Variants in RABGEF1 observed in about 807,000 individuals in gnomAD.
RABGEF1 encodes the protein RAB guanine nucleotide exchange factor 1.
A neutral mutation model predicts 57.3 loss-of-function variants in RABGEF1; 26 were observed. That is an observed-to-expected ratio of 0.45 (90% CI 0.33 to 0.63). RABGEF1 has a LOEUF of 0.63. Among genes scored for constraint, RABGEF1 ranks in the 20% least tolerant of loss-of-function variants. The probability of loss-of-function intolerance (pLI) is 0.02; values close to 1 mark genes in which losing one functional copy is unlikely to be tolerated. For missense variants in RABGEF1, 464 were observed against 607.6 expected, an observed-to-expected ratio of 0.76 and a Z score of 2.48; for synonymous variants, 185 against 210.7, an observed-to-expected ratio of 0.88 and a Z score of 1.06.
intron 2 of RABGEF1, among the ~76,000 whole-genome samples, chr7:66,714,040 A>G (rs1795079444): frequency 6.6e-6 from 1 of 152,230 alleles, no homozygotes; most frequent in South Asian, 2.1e-4. Flanking sequence ...TTTTTGTACT[A>G]CCATAGTCTA....
intron 2 of RABGEF1, among the ~76,000 whole-genome samples, chr7:66,729,446 C>T (rs932929039): frequency 2.0e-5 from 3 of 152,262 alleles, no homozygotes; most frequent in African/African-American, 7.2e-5. Context: ...ATTCTCCTCT[C>T]CAACCTCACT....
intron 2 of RABGEF1, among the ~76,000 whole-genome samples, chr7:66,725,332 C>T (rs1241743766): frequency 1.3e-5 from 2 of 152,172 alleles, no homozygotes; most frequent in Admixed American, 6.5e-5. Context: ...AAAGAAGCTT[C>T]ACTCCCCTTA....
chr7:66,788,322 G>A (rs1040575035), intron 4 of RABGEF1, among the ~76,000 whole-genome samples: 19 of 152,066 alleles, frequency 1.2e-4, no homozygotes, highest in African/African-American at 4.3e-4. Flanking sequence ...GCGCTCGCCT[G>A]TAGTCCCAGC....
chr7:66,746,473 T>A (rs2129055240), intron 1 of RABGEF1, among the ~76,000 whole-genome samples: 1 of 151,958 alleles, frequency 6.6e-6, no homozygotes, highest in East Asian at 1.9e-4. Flanking sequence ...GTATTTTTAG[T>A]AGAGACGGGG....
intron 8 of RABGEF1, among the ~76,000 whole-genome samples, chr7:66,808,219 T>C (rs75475535): frequency 7.0e-6 from 1 of 142,842 alleles, no homozygotes; most frequent in African/African-American, 2.5e-5. Flanking sequence ...GAGTTGTTCC[T>C]TTTTTTTTTT....
At chr7:66,671,403 C>T in the RABGEF1 span, among the ~76,000 whole-genome samples, 11 of 152,076 alleles carry the variant, frequency 7.2e-5, no homozygotes, top group Non-Finnish European at 1.5e-4. Flanking sequence ...TAAGTGTAAT[C>T]CCACATAGGG....
At chr7:66,718,708 C>T (rs1417474514) in intron 2 of RABGEF1, among the ~76,000 whole-genome samples, 1 of 152,210 alleles carries the variant, frequency 6.6e-6, no homozygotes, top group African/African-American at 2.4e-5. Context: ...CACGCAGTGG[C>T]CAGCCTGGAA....
chr7:66,756,150 C>G (rs2129071546), intron 1 of RABGEF1: 2 of 953,176 alleles, frequency 2.1e-6, no homozygotes. Flanking sequence ...GAAAAATGAG[C>G]AAAATCAGTT....
chr7:66,705,103 T>G (rs1456853047), intron 1 of RABGEF1, among the ~76,000 whole-genome samples: 1 of 151,598 alleles, frequency 6.6e-6, no homozygotes, highest in East Asian at 2.0e-4. Flanking sequence ...TGCTGATATA[T>G]GGAAAAGCAA....
At chr7:66,740,060 G>C (rs1048859011), upstream of RABGEF1, 1 of 152,174 alleles carries the variant, frequency 6.6e-6, no homozygotes, top group African/African-American at 2.4e-5. Flanking sequence ...TCAACTTCCT[G>C]GGCTATCAAG....
chr7:66,697,459 G>A (rs1490139916), intron 1 of RABGEF1, among the ~76,000 whole-genome samples: 1 of 152,168 alleles, frequency 6.6e-6, no homozygotes, highest in Non-Finnish European at 1.5e-5. Flanking sequence ...CCTTCACAGT[G>A]GCTCTGTCTG....
intron 1 of RABGEF1, among the ~76,000 whole-genome samples, chr7:66,751,289 C>G (rs1344491404): frequency 6.6e-6 from 1 of 152,182 alleles, no homozygotes; most frequent in Non-Finnish European, 1.5e-5. Flanking sequence ...CCTCGGCCTC[C>G]CAAAGTGTTG....
chr7:66,704,782 G>A (rs1295543866), intron 1 of RABGEF1, among the ~76,000 whole-genome samples: 3 of 151,210 alleles, frequency 2.0e-5, no homozygotes, highest in African/African-American at 7.3e-5. Flanking sequence ...CTGCACTCCA[G>A]CCTGGGTGAC....
At chr7:66,773,180 C>T (rs1807632837) in intron 2 of RABGEF1, among the ~76,000 whole-genome samples, 2 of 151,040 alleles carry the variant, frequency 1.3e-5, no homozygotes, top group South Asian at 2.1e-4. Flanking sequence ...ACATTGCTTT[C>T]AGTGACTGTG....
chr7:66,775,541 G>A, intron 3 of RABGEF1, 148 bp downstream of exon 3: 3 of 866,780 alleles, frequency 3.5e-6, no homozygotes, highest in Non-Finnish European at 5.2e-6. Context: ...TTGAGGGTCA[G>A]ACAGTATATG....
chr7:66,766,763 T>A (rs1476468056), intron 1 of RABGEF1, among the ~76,000 whole-genome samples: 3 of 151,670 alleles, frequency 2.0e-5, no homozygotes, highest in Non-Finnish European at 4.4e-5. Flanking sequence ...TTCACTCTGT[T>A]GCGCAGGCTG....
At chr7:66,688,401 T>C (rs556152430) in intron 1 of RABGEF1, among the ~76,000 whole-genome samples, 2 of 152,176 alleles carry the variant, frequency 1.3e-5, no homozygotes, top group Non-Finnish European at 2.9e-5. Flanking sequence ...AACAACATGA[T>C]AATCCAACTA....
chr7:66,671,494 T>C, the RABGEF1 span, among the ~76,000 whole-genome samples: 3 of 152,200 alleles, frequency 2.0e-5, no homozygotes, highest in Non-Finnish European at 4.4e-5. Context: ...AGGCATGGTG[T>C]GTAGCAGTGG....
upstream of RABGEF1, among the ~76,000 whole-genome samples, chr7:66,737,093 C>G (rs866549303): frequency 7.9e-6 from 1 of 127,292 alleles, no homozygotes. Context: ...AGAGCGAGAG[C>G]GAGAGAGAGA....
Sources: allele counts gnomAD v4.1 joint callset (sites outside exome capture counted in the v4.1 genomes callset), GRCh38; gene constraint gnomAD v4.1.1; transcripts MANE v1.5; gene names NCBI Gene and HGNC (gene_info 2026-07-23, HGNC 2026-07-21).